Variants in CHRM3 observed in about 807,000 individuals in gnomAD.
The protein encoded by CHRM3 is cholinergic receptor muscarinic 3.
Under a neutral mutation model 41.8 loss-of-function variants are expected in CHRM3, and 11 were observed. The observed-to-expected ratio is 0.26, with a 90% CI of 0.17 to 0.44. CHRM3 has a LOEUF of 0.44. Among genes scored for constraint, CHRM3 ranks in the 20% least tolerant of loss-of-function variants. CHRM3 has a pLI of 1.00. For synonymous variants in CHRM3, 297 were observed against 301.4 expected, an observed-to-expected ratio of 0.99 and a Z score of 0.15; for missense variants, 571 against 745.4, an observed-to-expected ratio of 0.77 and a Z score of 2.72.
chr1:239,404,021 G>A lies in CHRM3; in HGVS notation c.-521+16794G>A, dbSNP rs1190759469. 1.9e-4 allele frequency among the ~76,000 whole-genome samples: 27 copies of A among 138,652 alleles called. No individual in the cohort carries two copies. In the East Asian group the frequency reaches 5.8e-3, roughly 30 times the overall value. 91.0% of individuals were successfully genotyped at this position (138,652 alleles called of 152,430 possible). On this transcript the variant is annotated intron_variant, in intron 1 of 6. Coordinates refer to ENST00000676153, the MANE Select transcript of CHRM3 (RefSeq NM_001375978.1). ...AGAGAGAGAGAGAGAGAGATACCTG[G>A]CTCGGTGGCTCACGCCTGTAATCCC...
intron 5 of CHRM3, among the ~76,000 whole-genome samples, chr1:239,794,389 T>TG (rs1297602723): frequency 1.0e-4 from 9 of 90,342 alleles, no homozygotes; most frequent in African/African-American, 4.3e-4. Flanking sequence ...CGTTTGTTGT[T>TG]TTTTTTTTTT....
intron 3 of CHRM3, among the ~76,000 whole-genome samples, chr1:239,596,714 C>T (rs976806952): frequency 6.6e-6 from 1 of 152,090 alleles, no homozygotes; most frequent in South Asian, 2.1e-4. Context: ...ATTTCAGTGT[C>T]TAGAATGTGA....
intron 5 of CHRM3, among the ~76,000 whole-genome samples, chr1:239,679,027 G>GGACA (rs1553362064): frequency 6.7e-6 from 1 of 148,666 alleles, no homozygotes; most frequent in African/African-American, 2.5e-5. Flanking sequence ...GTAGATAGAT[G>GGACA]GATAGATAGA....
intron 1 of CHRM3, among the ~76,000 whole-genome samples, chr1:239,411,218 G>A (rs1273112983): frequency 1.3e-5 from 2 of 152,110 alleles, no homozygotes. Flanking sequence ...CACTTTTAGA[G>A]ATTCAAAAAT....
chr1:239,609,286 A>G (rs550871418), intron 3 of CHRM3, among the ~76,000 whole-genome samples: 1 of 152,282 alleles, frequency 6.6e-6, no homozygotes, highest in African/African-American at 2.4e-5. Flanking sequence ...TCACTCAGCA[A>G]AATTATTTTG....
intron 3 of CHRM3, among the ~76,000 whole-genome samples, chr1:239,594,570 C>A (rs969967792): frequency 5.9e-5 from 9 of 152,078 alleles, no homozygotes; most frequent in African/African-American, 2.2e-4. Flanking sequence ...CTGTCTTCAC[C>A]ATCTCAAACT....
chr1:239,610,206 A>AAAAAAG (rs1435000440), intron 3 of CHRM3, among the ~76,000 whole-genome samples: 1 of 151,048 alleles, frequency 6.6e-6, no homozygotes, highest in Non-Finnish European at 1.5e-5. Flanking sequence ...AAAAAAAAAA[A>AAAAAAG]AAAAAGGACT....
In CHRM3 at chr1:239,455,655, A is replaced by AT. The variant is rs1664878093; in HGVS notation, c.-520-37049dup. 3.9e-5 allele frequency among the ~76,000 whole-genome samples: 6 copies of AT among 152,250 alleles called. No individual in the cohort carries two copies. The South Asian group carries it at 1.2e-3, about 32-fold the overall frequency. On this transcript the variant is annotated intron_variant, in intron 1 of 6. Coordinates refer to ENST00000676153, the MANE Select transcript of CHRM3 (RefSeq NM_001375978.1). ...GTATAAGGGTATAAAGAAACCAAAT[A>AT]TTTTTGTGCAGTTGTATCATGTGTT...
chr1:239,554,243 A>G (rs928470489), intron 3 of CHRM3, among the ~76,000 whole-genome samples: 1 of 152,198 alleles, frequency 6.6e-6, no homozygotes, highest in Non-Finnish European at 1.5e-5. Flanking sequence ...CTGAAAAGAA[A>G]GTCATGTTGT....
At chr1:239,464,279 C>CA (rs748118542) in intron 1 of CHRM3, among the ~76,000 whole-genome samples, 5,114 of 72,574 alleles carry the variant, frequency 0.07, 112 homozygotes, top group Middle Eastern at 0.11. Context: ...GACCCTGTCT[C>CA]AAAAAAAAAA....
chr1:239,704,794 C>T (rs1660993701), intron 5 of CHRM3: 1 of 152,196 alleles, frequency 6.6e-6, no homozygotes, highest in Non-Finnish European at 1.5e-5. Context: ...TAGAGGAATA[C>T]ATTTATTCCA....
chr1:239,677,704 G>T (rs1377884411), intron 4 of CHRM3, among the ~76,000 whole-genome samples: 7 of 152,164 alleles, frequency 4.6e-5, no homozygotes, highest in African/African-American at 7.2e-5. Flanking sequence ...ACCTCTTAAA[G>T]GTCCCACCTC....
At chr1:239,595,612 G>A (rs181008545) in intron 3 of CHRM3, among the ~76,000 whole-genome samples, 38 of 152,162 alleles carry the variant, frequency 2.5e-4, no homozygotes, top group Admixed American at 2.2e-3. Flanking sequence ...TATCCAATTT[G>A]CCAAGCCTGT....
At chr1:239,471,440 T>C (rs1284934324) in intron 1 of CHRM3, among the ~76,000 whole-genome samples, 1 of 152,194 alleles carries the variant, frequency 6.6e-6, no homozygotes, top group African/African-American at 2.4e-5. Context: ...TGGTCCATTG[T>C]TCCCCATGGA....
At chr1:239,765,553 T>C (rs939602750) in intron 5 of CHRM3, among the ~76,000 whole-genome samples, 1 of 152,224 alleles carries the variant, frequency 6.6e-6, no homozygotes, top group African/African-American at 2.4e-5. Context: ...TCCAACTGGT[T>C]GAATTTCTTG....
At chr1:239,442,808 A>G (rs1394702537) in intron 1 of CHRM3, among the ~76,000 whole-genome samples, 1 of 152,184 alleles carries the variant, frequency 6.6e-6, no homozygotes, top group Non-Finnish European at 1.5e-5. Context: ...ATTTCACACT[A>G]GGAGCTCAAG....
intron 6 of CHRM3, among the ~76,000 whole-genome samples, chr1:239,904,840 CTA>C (rs1193102864): frequency 6.6e-6 from 1 of 152,044 alleles, no homozygotes; most frequent in Non-Finnish European, 1.5e-5. Flanking sequence ...AATATTTAGA[CTA>C]TTTCAAATTT....
intron 5 of CHRM3, among the ~76,000 whole-genome samples, chr1:239,739,194 T>C (rs1344603333): frequency 6.6e-6 from 1 of 152,170 alleles, no homozygotes; most frequent in Non-Finnish European, 1.5e-5. Flanking sequence ...CCAGCATGCA[T>C]TGGCATTGGA....
At chr1:239,794,392 T>G (rs1321934958) in intron 5 of CHRM3, among the ~76,000 whole-genome samples, 5 of 151,754 alleles carry the variant, frequency 3.3e-5, no homozygotes, top group East Asian at 3.9e-4. Context: ...TTGTTGTTTT[T>G]TTTTTTTTTT....
Sources: allele counts gnomAD v4.1 joint callset (sites outside exome capture counted in the v4.1 genomes callset), GRCh38; gene constraint gnomAD v4.1.1; transcripts MANE v1.5; gene names NCBI Gene and HGNC (gene_info 2026-07-23, HGNC 2026-07-21).